The following WWOX variants were observed in gnomAD, a reference collection of about 807,000 sequenced individuals.
WWOX encodes WW domain-containing oxidoreductase.
Under a neutral mutation model 46.2 loss-of-function variants are expected in WWOX, and 69 were observed. That is an observed-to-expected ratio of 1.49 (90% CI 1.23 to 1.82). The LOEUF is 1.82. Ranked by LOEUF, WWOX falls within the 40% of genes most tolerant of loss-of-function variation. WWOX has a pLI of 0.00. For missense variants in WWOX, 919 were observed against 542.6 expected, an observed-to-expected ratio of 1.69 and a Z score of -6.89; for synonymous variants, 359 against 202.6, an observed-to-expected ratio of 1.77 and a Z score of -6.56.
intron 8 of WWOX, among the ~76,000 whole-genome samples, chr16:78,447,622 C>T (rs953539493): frequency 6.6e-6 from 1 of 152,098 alleles, no homozygotes; most frequent in Non-Finnish European, 1.5e-5. Context: ...AAAAATTAGT[C>T]GGAGGCGGAA....
intron 8 of WWOX, among the ~76,000 whole-genome samples, chr16:78,860,068 C>T (rs1033112913): frequency 5.3e-5 from 8 of 152,050 alleles, no homozygotes; most frequent in South Asian, 4.1e-4. Flanking sequence ...ATTTTCTAGC[C>T]GCATATTAGC....
At chr16:78,779,173 G>T (rs1310803114) in intron 8 of WWOX, among the ~76,000 whole-genome samples, 3 of 152,104 alleles carry the variant, frequency 2.0e-5, no homozygotes, top group African/African-American at 7.2e-5. Context: ...TTTTGAGACA[G>T]GGTCTTTGTT....
At chr16:78,400,643 G>C (rs146192631) in intron 6 of WWOX, among the ~76,000 whole-genome samples, 7 of 152,278 alleles carry the variant, frequency 4.6e-5, no homozygotes, top group African/African-American at 1.7e-4. Flanking sequence ...GGGAGGAAAA[G>C]GGGGAAGGAA....
At chr16:79,188,335 C>T (rs1210483126) in intron 8 of WWOX, among the ~76,000 whole-genome samples, 1 of 152,154 alleles carries the variant, frequency 6.6e-6, no homozygotes, top group Non-Finnish European at 1.5e-5. Context: ...AGCTTTGAGT[C>T]GTGACCGGTG....
chr16:78,442,490 C>G (rs74030255), intron 8 of WWOX, among the ~76,000 whole-genome samples: 13,089 of 152,092 alleles, frequency 0.086, 706 homozygotes, highest in East Asian at 0.2. Context: ...GCCCTCTACT[C>G]TCTGCTTCTG....
intron 8 of WWOX, among the ~76,000 whole-genome samples, chr16:79,138,590 C>T (rs2050028266): frequency 6.6e-6 from 1 of 152,204 alleles, no homozygotes; most frequent in Non-Finnish European, 1.5e-5. Flanking sequence ...TTAGGGTGCT[C>T]TGGGCAAGTA....
chr16:78,198,351 C>G (rs894610233), intron 5 of WWOX, among the ~76,000 whole-genome samples: 4 of 152,168 alleles, frequency 2.6e-5, no homozygotes, highest in Non-Finnish European at 5.9e-5. Flanking sequence ...GCATCCGATA[C>G]ACATGCAAGG....
At chr16:78,174,597 C>T (rs533118976) in intron 5 of WWOX, among the ~76,000 whole-genome samples, 2 of 152,344 alleles carry the variant, frequency 1.3e-5, no homozygotes, top group African/African-American at 4.8e-5. Flanking sequence ...CCGGCATCAG[C>T]TGTAAAGTCT....
chr16:78,203,595 G>A (rs758626737), intron 5 of WWOX, among the ~76,000 whole-genome samples: 23 of 152,138 alleles, frequency 1.5e-4, no homozygotes, highest in Non-Finnish European at 2.8e-4. Flanking sequence ...CCGTATCTCC[G>A]TCTGCAAGAT....
intron 8 of WWOX, among the ~76,000 whole-genome samples, chr16:78,943,689 G>T (rs1181519961): frequency 6.6e-6 from 1 of 152,194 alleles, no homozygotes; most frequent in Non-Finnish European, 1.5e-5. Context: ...AAAAGTAGCA[G>T]GGTGTGCGAT....
chr16:78,773,797 C>T (rs369993955), intron 8 of WWOX, among the ~76,000 whole-genome samples: 1 of 152,182 alleles, frequency 6.6e-6, no homozygotes, highest in Non-Finnish European at 1.5e-5. Context: ...TAATTGGGAT[C>T]AGGCAGTACT....
At chr16:78,452,608 T>C (rs1462550485) in intron 8 of WWOX, among the ~76,000 whole-genome samples, 2 of 151,516 alleles carry the variant, frequency 1.3e-5, no homozygotes, top group African/African-American at 4.9e-5. Context: ...CCCGAGTAGC[T>C]GGGACTGTAG....
At chr16:78,749,244 G>A (rs113959598) in intron 8 of WWOX, among the ~76,000 whole-genome samples, 1 of 152,148 alleles carries the variant, frequency 6.6e-6, no homozygotes, top group African/African-American at 2.4e-5. Context: ...ATCATAGGTA[G>A]ATCCTGCATT....
intron 8 of WWOX, among the ~76,000 whole-genome samples, chr16:78,530,864 C>T (rs1448603542): frequency 1.3e-5 from 2 of 152,122 alleles, no homozygotes; most frequent in Non-Finnish European, 2.9e-5. Flanking sequence ...GGATAATAAT[C>T]CAGGAGCTGT....
At chr16:78,538,248 C>CTT (rs2043806999) in intron 8 of WWOX, among the ~76,000 whole-genome samples, 8 of 126,254 alleles carry the variant, frequency 6.3e-5, no homozygotes, top group South Asian at 2.5e-4. Flanking sequence ...AAAAAAAAAG[C>CTT]GGGGCAAGGG....
At chr16:78,401,435 C>T (rs897022053) in intron 6 of WWOX, among the ~76,000 whole-genome samples, 1 of 152,088 alleles carries the variant, frequency 6.6e-6, no homozygotes. Flanking sequence ...AACTATGTAG[C>T]TTTGTGTAGC....
intron 5 of WWOX, among the ~76,000 whole-genome samples, chr16:78,272,729 A>G (rs1366478762): frequency 3.3e-5 from 5 of 152,066 alleles, no homozygotes; most frequent in African/African-American, 1.2e-4. Context: ...TTTACCTATA[A>G]CAGCAGTAGC....
intron 8 of WWOX, among the ~76,000 whole-genome samples, chr16:78,498,750 T>C (rs1020656658): frequency 2.0e-4 from 30 of 152,306 alleles, no homozygotes; most frequent in African/African-American, 6.5e-4. Flanking sequence ...TGGAGTGCAG[T>C]GGCATGATGG....
chr16:78,635,294 C>G (rs1463125447), intron 8 of WWOX, among the ~76,000 whole-genome samples: 1 of 152,116 alleles, frequency 6.6e-6, no homozygotes, highest in Non-Finnish European at 1.5e-5. Context: ...CTGGTTGTCC[C>G]TTTAATCCAT....
Sources: gnomAD v4.1 joint callset for allele counts (sites outside exome capture counted in the v4.1 genomes callset) on GRCh38, gnomAD v4.1.1 for gene constraint, MANE v1.5 for transcripts, NCBI Gene and HGNC (gene_info 2026-07-23, HGNC 2026-07-21) for gene names.